The following REV1 variants were observed in gnomAD, a reference collection of about 807,000 sequenced individuals.
REV1 encodes the protein REV1 DNA directed polymerase, also known as translesion synthesis protein REV1.
REV1 carries 42 observed loss-of-function variants against 137.4 expected under a neutral mutation model. That is an observed-to-expected ratio of 0.31 (90% CI 0.24 to 0.40). The LOEUF (loss-of-function observed/expected upper bound fraction) is 0.40, where lower values mean the gene tolerates loss of function less well. REV1 is among the 10% of genes least tolerant of loss of function. The pLI is 1.00. For missense variants in REV1, 1,282 were observed against 1,490.1 expected (o/e 0.86, Z 2.30); for synonymous variants, 524 against 519.2 (o/e 1.01, Z -0.12).
intron 3 of REV1, among the ~76,000 whole-genome samples, chr2:99,454,568 A>C (rs933684045): frequency 1.4e-4 from 20 of 138,368 alleles, no homozygotes; most frequent in East Asian, 4.2e-4. Context: ...AAAAAAAAAA[A>C]AAAAAAAAAA....
chr2:99,433,632 C>A (rs757504902), intron 8 of REV1, among the ~76,000 whole-genome samples: 1 of 152,158 alleles, frequency 6.6e-6, no homozygotes, highest in Admixed American at 6.5e-5. Context: ...CTTCTGACTA[C>A]TTTCTGGGTA....
intron 9 of REV1, among the ~76,000 whole-genome samples, chr2:99,425,107 A>G (rs973611128): frequency 1.3e-5 from 2 of 152,222 alleles, no homozygotes; most frequent in African/African-American, 2.4e-5. Context: ...TACATATTAT[A>G]TAATAGGATA....
intron 12 of REV1, among the ~76,000 whole-genome samples, 195 bp downstream of exon 12, chr2:99,418,633 A>G (rs1678212642): frequency 6.6e-6 from 1 of 152,240 alleles, no homozygotes; most frequent in African/African-American, 2.4e-5. Flanking sequence ...AAAATGTAAC[A>G]TTAAGGTCCT....
chr2:99,489,335 G>A (rs1443392677), intron 1 of REV1, among the ~76,000 whole-genome samples: 2 of 152,106 alleles, frequency 1.3e-5, no homozygotes, highest in Non-Finnish European at 2.9e-5. Context: ...CGGCTCGACC[G>A]GGTCGACATT....
chr2:99,465,729 A>C (rs1413679279), intron 1 of REV1, among the ~76,000 whole-genome samples: 1 of 152,220 alleles, frequency 6.6e-6, no homozygotes, highest in Non-Finnish European at 1.5e-5. Context: ...GACTACATTT[A>C]TTCTTAACAA....
intron 3 of REV1, among the ~76,000 whole-genome samples, chr2:99,459,100 C>T (rs1041420672): frequency 6.6e-6 from 1 of 151,460 alleles, no homozygotes; most frequent in African/African-American, 2.4e-5. Flanking sequence ...CCCAGCTACT[C>T]GGGAGGCTGA....
intron 8 of REV1, among the ~76,000 whole-genome samples, chr2:99,431,494 A>G (rs1680121719): frequency 6.6e-6 from 1 of 152,150 alleles, no homozygotes. Flanking sequence ...TAGACCCCAA[A>G]AAAAGGAGTG....
At chr2:99,421,065 C>T (rs918735416) in intron 11 of REV1, among the ~76,000 whole-genome samples, 1 of 152,124 alleles carries the variant, frequency 6.6e-6, no homozygotes, top group African/African-American at 2.4e-5. Flanking sequence ...TGGACAGTTA[C>T]TGAGAGCACT....
chr2:99,458,590 T>C (rs554927963), intron 3 of REV1, among the ~76,000 whole-genome samples: 1 of 152,320 alleles, frequency 6.6e-6, no homozygotes, highest in South Asian at 2.1e-4. Flanking sequence ...CTTATACTCA[T>C]ACAAAAACTC....
At chr2:99,462,449 C>T (rs1482538974) in intron 3 of REV1, 47 bp downstream of exon 3, 3 of 1,526,876 alleles carry the variant, frequency 2.0e-6, no homozygotes, top group African/African-American at 2.8e-5. Flanking sequence ...ATTCTCAATC[C>T]TAATAAAAAT....
chr2:99,405,940 G>A lies in REV1; in HGVS notation c.2781C>T (p.Asn927=). 1.2e-6 allele frequency: 2 copies of A among 1,603,128 alleles called. No individual in the cohort carries two copies. The highest frequency in any genetic ancestry group is 1.7e-6 in the Non-Finnish European group (2 of 1,175,092). ...AAGGTGACGGGACCTCTATACTCAG[G>A]TTAAGTCTCGACTGCACACTGACAG... is the stretch of plus-strand genomic sequence containing the variant. ...HTPVSVQSRL[N]LSIEVPSPSQ... Residue 927 remains asparagine, a synonymous_variant, in exon 17 of 23, where the codon AAC becomes AAT. Transcript: ENST00000258428.
chr2:99,434,094 C>T (rs1680437346), intron 8 of REV1, among the ~76,000 whole-genome samples: 1 of 152,164 alleles, frequency 6.6e-6, no homozygotes, highest in Admixed American at 6.5e-5. Flanking sequence ...TTTTTATCCC[C>T]AATCTAAATT....
At chr2:99,478,524 AAGG>A (rs1686233826) in intron 1 of REV1, among the ~76,000 whole-genome samples, 1 of 152,214 alleles carries the variant, frequency 6.6e-6, no homozygotes. Context: ...GATCTTCACT[AAGG>A]AGAAGTGGTA....
chr2:99,429,818 G>A (rs2104711147), intron 9 of REV1, 22 bp downstream of exon 9: 1 of 1,361,464 alleles, frequency 7.3e-7, no homozygotes, highest in Non-Finnish European at 1.0e-6. Flanking sequence ...ATTAAGAATT[G>A]TAACACACAA....
At chr2:99,426,685 A>G (rs1398987864) in intron 9 of REV1, among the ~76,000 whole-genome samples, 2 of 152,208 alleles carry the variant, frequency 1.3e-5, no homozygotes, top group African/African-American at 4.8e-5. Flanking sequence ...ACAATTACAA[A>G]AAAGTCCAAA....
chr2:99,452,007 T>C (rs1311087023), intron 3 of REV1, among the ~76,000 whole-genome samples: 3 of 152,112 alleles, frequency 2.0e-5, no homozygotes, highest in South Asian at 2.1e-4. Context: ...ATTTCTTCAA[T>C]ACTAGAACAT....
At chr2:99,472,983 T>C (rs758395234) in intron 1 of REV1, among the ~76,000 whole-genome samples, 10 of 152,190 alleles carry the variant, frequency 6.6e-5, no homozygotes, top group Non-Finnish European at 1.5e-4. Flanking sequence ...TTTCAAACAA[T>C]TGCTGAAGTT....
chr2:99,413,756 G>C (rs1677491181), intron 12 of REV1, among the ~76,000 whole-genome samples: 1 of 152,152 alleles, frequency 6.6e-6, no homozygotes, highest in African/African-American at 2.4e-5. Flanking sequence ...TTGGGAAAGA[G>C]GTTTGGAGTA....
chr2:99,404,317 T>G, intron 18 of REV1, 127 bp downstream of exon 18: 8 of 450,936 alleles, frequency 1.8e-5, no homozygotes, highest in East Asian at 1.7e-4. Context: ...TCCCCTCCCC[T>G]CCCCTCCCCT....
Sources: allele counts gnomAD v4.1 joint callset (sites outside exome capture counted in the v4.1 genomes callset), GRCh38; gene constraint gnomAD v4.1.1; transcripts MANE v1.5; gene names NCBI Gene and HGNC (gene_info 2026-07-23, HGNC 2026-07-21).